Variants in SBF2 observed in about 807,000 individuals in gnomAD.
SBF2 encodes SET binding factor 2.
A neutral mutation model predicts 225.2 loss-of-function variants in SBF2; 112 were observed. The observed-to-expected ratio is 0.50, with a 90% CI of 0.43 to 0.58. The LOEUF (loss-of-function observed/expected upper bound fraction) is 0.58. Among genes scored for constraint, SBF2 ranks in the 20% least tolerant of loss-of-function variants. The pLI, the probability that SBF2 is intolerant of heterozygous loss-of-function variation, is 0.00. For missense variants in SBF2, 1,996 were observed against 2,206.2 expected, an observed-to-expected ratio of 0.90 and a Z score of 1.91; for synonymous variants, 763 against 773.3, an observed-to-expected ratio of 0.99 and a Z score of 0.22.
chr11:10,085,295 A>AT (rs1951520038), intron 2 of SBF2, among the ~76,000 whole-genome samples: 2 of 152,180 alleles, frequency 1.3e-5, no homozygotes, highest in Non-Finnish European at 2.9e-5. Flanking sequence ...TTACATGAAT[A>AT]TTACAGCCTT....
Position 10,163,091 on chromosome 11 carries a change from T to C in SBF2, c.141+30811A>G, listed in dbSNP as rs921993994. Among the ~76,000 whole-genome samples, 5 of 152,284 alleles carry C rather than the reference T, an allele frequency of 3.3e-5. No individual in the cohort carries two copies. In the East Asian group the frequency reaches 9.6e-4, roughly 29 times the overall value. On this transcript the variant is annotated intron_variant, in intron 2 of 39. Coordinates refer to ENST00000256190, the MANE Select transcript of SBF2 (RefSeq NM_030962.4). ...TCACTGAGGGACAAAGCTAATGTCA[T>C]TAAGTGAGGTCTAGTAGGAGAAAAA...
At chr11:9,971,640 C>A (rs192124096) in intron 13 of SBF2, among the ~76,000 whole-genome samples, 1 of 152,218 alleles carries the variant, frequency 6.6e-6, no homozygotes, top group Non-Finnish European at 1.5e-5. Flanking sequence ...GATTGCACCA[C>A]CACACTCCAG....
intron 2 of SBF2, among the ~76,000 whole-genome samples, chr11:10,142,178 G>A (rs1050138047): frequency 1.3e-5 from 2 of 152,024 alleles, no homozygotes; most frequent in Admixed American, 6.6e-5. Flanking sequence ...GTATAGATAC[G>A]GATAACCAGT....
At chr11:9,957,018 T>A (rs576965930) in intron 16 of SBF2, 27 of 152,364 alleles carry the variant, frequency 1.8e-4, no homozygotes, top group African/African-American at 6.5e-4. Context: ...ACTTCTATTT[T>A]GTTTTTTAAA....
At chr11:10,233,569 C>A (rs1240284352) in intron 1 of SBF2, among the ~76,000 whole-genome samples, 6 of 148,532 alleles carry the variant, frequency 4.0e-5, no homozygotes, top group Non-Finnish European at 7.4e-5. Context: ...ATCTCTCTCT[C>A]TCAAAGATTC....
At chr11:10,158,154 T>A (rs1955561684) in intron 2 of SBF2, among the ~76,000 whole-genome samples, 4 of 151,096 alleles carry the variant, frequency 2.6e-5, no homozygotes. Flanking sequence ...ATGAAAAAAA[T>A]AACGTATCAA....
chr11:10,168,305 A>C (rs1372705499), intron 2 of SBF2, among the ~76,000 whole-genome samples: 1 of 152,212 alleles, frequency 6.6e-6, no homozygotes, highest in South Asian at 2.1e-4. Context: ...AAAGGCTATA[A>C]ATTTTAAAGT....
chr11:9,876,801 GCAATCTCGGCTCACT>G (rs1438240755), intron 17 of SBF2, among the ~76,000 whole-genome samples: 1 of 152,108 alleles, frequency 6.6e-6, no homozygotes, highest in Non-Finnish European at 1.5e-5. Context: ...GTGCAGTGGG[GCAATCTCGGCTCACT>G]GCAACCTCTG....
At chr11:10,085,935 C>T (rs1016760774) in intron 2 of SBF2, among the ~76,000 whole-genome samples, 1 of 151,712 alleles carries the variant, frequency 6.6e-6, no homozygotes, top group African/African-American at 2.4e-5. Flanking sequence ...CCGTTTCTAA[C>T]AGATTAATAG....
At chr11:9,938,680 T>C (rs1865056296) in intron 16 of SBF2, among the ~76,000 whole-genome samples, 1 of 152,192 alleles carries the variant, frequency 6.6e-6, no homozygotes, top group South Asian at 2.1e-4. Context: ...TTTGCCAGAA[T>C]AACTGGCCAT....
Position 9,789,203 on chromosome 11 carries a change from C to T in SBF2, c.4838G>A (p.Gly1613Glu). ...CCTCTGGCTCCGTGGCCCAGCTTCT[C>T]CAGCCAGGTCAGAGTCTTCGGAGGG... ...HFPSEDSDLA[G>E]EAGPRSQRRT... Residue 1613 changes from glycine to glutamate, a missense_variant, in exon 35 of 40, where the codon GGA becomes GAA. Gly to Glu is a moderately conservative substitution (Grantham distance 98). Coordinates refer to ENST00000256190, the MANE Select transcript of SBF2 (RefSeq NM_030962.4). 2 of 1,614,182 alleles carry T rather than the reference C, an allele frequency of 1.2e-6. No homozygotes were observed. The highest frequency in any genetic ancestry group is 1.7e-6 in the Non-Finnish European group (2 of 1,180,030).
rs749036184 is a variant in SBF2, at chr11:9,989,612, A to G, written c.1297-17T>C. 9.6e-6 allele frequency: 14 copies of G among 1,453,876 alleles called. No homozygotes were observed. In the South Asian group the frequency reaches 1.3e-4, roughly 13 times the overall value. 90.1% of individuals were successfully genotyped at this position (1,453,876 alleles called of 1,614,324 possible). ...GGCTACCAACTAGGAAAAAGAATCA[A>G]ATGGCAAAACATCAATTCCAAAATA... On this transcript the variant is annotated splice_polypyrimidine_tract_variant and intron_variant, in intron 12 of 39. Coordinates refer to ENST00000256190, the MANE Select transcript of SBF2 (RefSeq NM_030962.4).
rs150320003 is a variant in SBF2 at position 10,019,346 on chromosome 11, A to G, written c.619+9106T>C. 4.0e-3 allele frequency among the ~76,000 whole-genome samples: 605 copies of G among 152,344 alleles called. 3 individuals are homozygous for G. Among genetic ancestry groups the G allele is most frequent in the Middle Eastern group, 0.027 (8 of 294 alleles). ...TACACGTGGTAAGCAGTTCCTTCAG[A>G]AAAGTGCCCCAGAGTGGGCTAGCAA... On this transcript the variant is annotated intron_variant, in intron 6 of 39. Transcript: ENST00000256190.
intron 16 of SBF2, among the ~76,000 whole-genome samples, chr11:9,932,155 T>C (rs1014207186): frequency 2.0e-5 from 3 of 152,182 alleles, no homozygotes; most frequent in South Asian, 2.1e-4. Context: ...CTACATTTGA[T>C]AGGTGTACCT....
chr11:9,856,324 CA>C, intron 19 of SBF2, 133 bp downstream of exon 19: 1 of 1,158,816 alleles, frequency 8.6e-7, no homozygotes, highest in Non-Finnish European at 1.3e-6. Flanking sequence ...TGAGCAAGTC[CA>C]AAGGTGAGGA....
intron 2 of SBF2, chr11:10,149,517 C>A (rs561921239): frequency 2.6e-5 from 4 of 152,304 alleles, no homozygotes; most frequent in African/African-American, 9.6e-5. Context: ...TTTTCTTAAA[C>A]CTTCAATCTT....
chr11:10,053,152 A>T (rs559289133), intron 2 of SBF2, among the ~76,000 whole-genome samples: 1 of 152,236 alleles, frequency 6.6e-6, no homozygotes, highest in Non-Finnish European at 1.5e-5. Flanking sequence ...TTAATAACTG[A>T]ATATTATACC....
chr11:9,910,791 G>A (rs1182024397), intron 16 of SBF2, among the ~76,000 whole-genome samples: 1 of 150,460 alleles, frequency 6.6e-6, no homozygotes, highest in Non-Finnish European at 1.5e-5. Context: ...GCTCACACCT[G>A]TAATCCCAGC....
rs559192358 is a variant in SBF2 at position 9,931,572 on chromosome 11, G to C, written c.1860+30385C>G. Among the ~76,000 whole-genome samples the C allele has an allele frequency of 2.6e-5, 4 of 152,210 alleles. No individual in the cohort carries two copies. The East Asian group carries it at 7.7e-4, about 29-fold the overall frequency. On this transcript the variant is annotated intron_variant, in intron 16 of 39. Coordinates refer to ENST00000256190, the MANE Select transcript of SBF2 (RefSeq NM_030962.4). Reference sequence around the variant, plus strand: ...AAAAGGAAAACTAAACAACAGAAAGGAATAGCACCAACATCAACAAAAAGG... The same window carrying C: ...AAAAGGAAAACTAAACAACAGAAAGCAATAGCACCAACATCAACAAAAAGG...
Sources: allele counts gnomAD v4.1 joint callset (sites outside exome capture counted in the v4.1 genomes callset), GRCh38; gene constraint gnomAD v4.1.1; transcripts MANE v1.5; gene names NCBI Gene and HGNC (gene_info 2026-07-23, HGNC 2026-07-21).